The following HIPK1 variants were observed in gnomAD, a reference collection of about 807,000 sequenced individuals.
The protein encoded by HIPK1 is homeodomain-interacting protein kinase 1.
A neutral mutation model predicts 117.1 loss-of-function variants in HIPK1; 28 were observed. The ratio of observed to expected loss-of-function variants is 0.24; its 90% CI spans 0.18 to 0.33. HIPK1 has a LOEUF of 0.33. Among genes scored for constraint, HIPK1 ranks in the 10% least tolerant of loss-of-function variants. The pLI is 1.00. For missense variants in HIPK1, 1,122 were observed against 1,475.1 expected (o/e 0.76, Z 3.92); for synonymous variants, 605 against 562.5 (o/e 1.08, Z -1.07).
At chr1:113,963,091 A>G (rs762048928) in intron 9 of HIPK1, among the ~76,000 whole-genome samples, 16 of 152,172 alleles carry the variant, frequency 1.1e-4, no homozygotes, top group Non-Finnish European at 2.1e-4. Flanking sequence ...CAAAAACTCT[A>G]TTTTGTGAAC....
Position 113,952,896 on chromosome 1 carries a change from G to A in HIPK1, c.1200+7G>A. ...TGCTTCAGAATATGATCAGGTAAAA[G>A]TGTTTATTTGAATGGAAATAGAATG... On this transcript the variant is annotated splice_region_variant and intron_variant, in intron 3 of 15. Coordinates refer to ENST00000426820, the MANE Select transcript of HIPK1 (RefSeq NM_198268.3). The A allele has an allele frequency of 2.0e-6, 3 of 1,482,828 alleles. No homozygotes were observed. The highest frequency in any genetic ancestry group is 2.7e-6 in the Non-Finnish European group (3 of 1,116,640). 91.9% of individuals were successfully genotyped at this position (1,482,828 alleles called of 1,614,324 possible).
At chr1:113,966,833 A>C (rs1002249190) in intron 11 of HIPK1, among the ~76,000 whole-genome samples, 1 of 149,300 alleles carries the variant, frequency 6.7e-6, no homozygotes, top group African/African-American at 2.5e-5. Flanking sequence ...AGTAGTTCTT[A>C]TTCTTTTTTT....
At chr1:113,971,637 C>G (rs925953893) in intron 14 of HIPK1, among the ~76,000 whole-genome samples, 187 bp from the exon 15 acceptor site, 8 of 152,074 alleles carry the variant, frequency 5.3e-5, no homozygotes, top group Admixed American at 3.9e-4. Context: ...TTTTGAGGAT[C>G]CTATGTGGAG....
chr1:113,948,816 C>T (rs1671153794), intron 2 of HIPK1, among the ~76,000 whole-genome samples: 1 of 151,836 alleles, frequency 6.6e-6, no homozygotes, highest in African/African-American at 2.4e-5. Flanking sequence ...AAGCTCGAGA[C>T]AGTTATCATA....
At chr1:113,942,753 A>G (rs1670734871) in intron 2 of HIPK1, among the ~76,000 whole-genome samples, 1 of 152,192 alleles carries the variant, frequency 6.6e-6, no homozygotes, top group African/African-American at 2.4e-5. Context: ...TCTGTACCAT[A>G]ACCAAGGCTT....
intron 1 of HIPK1, chr1:113,930,593 A>AG: frequency 6.6e-6 from 1 of 152,572 alleles, no homozygotes; most frequent in Non-Finnish European, 1.5e-5. Context: ...AACAAAAGGG[A>AG]GGGGGAAGGT....
rs1396073774 is a variant in HIPK1 at position 113,974,963 on chromosome 1, A to T, written c.*1451A>T. 2.0e-5 allele frequency: 3 copies of T among 152,788 alleles called. No homozygotes were observed. Among genetic ancestry groups the T allele is most frequent in the Admixed American group, 2.0e-4 (3 of 15,284 alleles). 9.5% of individuals were successfully genotyped at this position (152,788 alleles called of 1,614,324 possible). The stretch of plus-strand genomic sequence containing the variant: ...CCAAAATGAACTGATACTTGTTGGA[A>T]TGTATGTGAACTAATTGCAATTATA... On this transcript the variant is annotated 3_prime_UTR_variant, in exon 16 of 16. Coordinates refer to ENST00000426820, the MANE Select transcript of HIPK1 (RefSeq NM_198268.3).
At chr1:113,931,538 T>C (rs1000175667) in intron 1 of HIPK1, among the ~76,000 whole-genome samples, 14 of 152,218 alleles carry the variant, frequency 9.2e-5, no homozygotes, top group Admixed American at 4.6e-4. Context: ...TGGTGATACC[T>C]TCATGAATAG....
At chr1:113,939,163 T>C (rs1374257453) in intron 1 of HIPK1, among the ~76,000 whole-genome samples, 1 of 152,022 alleles carries the variant, frequency 6.6e-6, no homozygotes. Flanking sequence ...TAATTTTTTT[T>C]CTTTTTTTTG....
At position 113,968,461 on chromosome 1, in the gene HIPK1, C is replaced by T; in HGVS notation, c.2584C>T (p.Pro862Ser). Residue 862 changes from proline to serine, a missense_variant, in exon 13 of 16, where the codon CCT becomes TCT. By Grantham distance (74) the Pro-to-Ser change is moderately conservative (BLOSUM62 -1). Around this residue, in one of 6 missense-constraint regions of HIPK1, gnomAD observed 731 missense variants for 860.4 expected, o/e 0.85. Transcript: ENST00000426820. ...VSSKSSLDVLPSQVYSLVGSS... is the reference protein window; with the variant it reads ...VSSKSSLDVLSSQVYSLVGSS... Reference sequence around the variant, plus strand: ...CTACAGGTCCTCTCTAGATGTTCTGCCTTCCCAAGTCTATTCTCTGGTTGG... The same window carrying T: ...CTACAGGTCCTCTCTAGATGTTCTGTCTTCCCAAGTCTATTCTCTGGTTGG... 1 of 1,613,598 alleles carries T rather than the reference C, an allele frequency of 6.2e-7. No individual in the cohort carries two copies. Among genetic ancestry groups the T allele is most frequent in the Non-Finnish European group, 8.5e-7 (1 of 1,179,484 alleles).
intron 1 of HIPK1, among the ~76,000 whole-genome samples, chr1:113,938,655 T>A (rs1258986661): frequency 4.0e-5 from 6 of 151,866 alleles, no homozygotes; most frequent in Non-Finnish European, 8.8e-5. Context: ...ACGCCTGTAA[T>A]CCCAGCACTT....
intron 1 of HIPK1, among the ~76,000 whole-genome samples, chr1:113,934,231 T>G (rs886318098): frequency 5.3e-5 from 8 of 152,198 alleles, no homozygotes; most frequent in African/African-American, 1.4e-4. Flanking sequence ...AATTTATTAC[T>G]GGTGTGTCAG....
rs1218174117 is a variant in HIPK1 at position 113,976,522 on chromosome 1, T to C, written c.*3010T>C. 1 of 152,764 alleles carries C rather than the reference T, an allele frequency of 6.5e-6. No individual in the cohort carries two copies. The highest frequency in any genetic ancestry group is 1.5e-5 in the Non-Finnish European group (1 of 68,030). The allele number at this position is 152,764 out of a possible 1,614,324, so 9.5% of individuals were successfully genotyped here. Reference sequence around the variant, plus strand: ...TACCACTTAAGATAGGAGTCTAAACTCCACAGAAAAGGATAATACCAAGAG... The same window carrying C: ...TACCACTTAAGATAGGAGTCTAAACCCCACAGAAAAGGATAATACCAAGAG... On this transcript the variant is annotated 3_prime_UTR_variant, in exon 16 of 16. Coordinates refer to ENST00000426820, the MANE Select transcript of HIPK1 (RefSeq NM_198268.3).
intron 9 of HIPK1, 90 bp from the exon 10 acceptor site, chr1:113,963,297 A>G (rs1672240995): frequency 1.4e-6 from 2 of 1,405,938 alleles, no homozygotes; most frequent in African/African-American, 2.9e-5. Flanking sequence ...GTTCATTGTC[A>G]GTAATAACTT....
intron 8 of HIPK1, among the ~76,000 whole-genome samples, chr1:113,958,741 TA>T (rs1391149089): frequency 6.6e-6 from 1 of 152,252 alleles, no homozygotes; most frequent in East Asian, 1.9e-4. Context: ...AAATCATGTT[TA>T]AGAATGTGGA....
intron 2 of HIPK1, among the ~76,000 whole-genome samples, chr1:113,944,772 C>G (rs1402558114): frequency 1.3e-5 from 2 of 151,640 alleles, no homozygotes; most frequent in Non-Finnish European, 2.9e-5. Context: ...AATAGCCATT[C>G]TTATGGGTGT....
In HIPK1 at chr1:113,958,300, G is replaced by A. The variant is rs766093864; in HGVS notation, c.1981+9G>A. On this transcript the variant is annotated intron_variant, in intron 8 of 15. Coordinates refer to ENST00000426820, the MANE Select transcript of HIPK1 (RefSeq NM_198268.3). ...TCCACCTGCGTTTCAAAGTAAGTGG[G>A]GAAACTCCTGTATCATATGGTATTG... The A allele has an allele frequency of 1.9e-6, 3 of 1,579,626 alleles. No homozygotes were observed. The highest frequency in any genetic ancestry group is 2.6e-6 in the Non-Finnish European group (3 of 1,150,710).
intron 7 of HIPK1, among the ~76,000 whole-genome samples, chr1:113,957,745 C>T (rs1671818772): frequency 6.6e-6 from 1 of 151,992 alleles, no homozygotes; most frequent in African/African-American, 2.4e-5. Context: ...TTGGCTGGGT[C>T]TACTTTTTTA....
rs1670639417 is a variant in HIPK1, at chr1:113,941,568, A to G, written c.1076+109A>G. ...AATGAATTTGTTTATAGATTCTGAG[A>G]TAGAAATAGGATATGTTTTAGCTCA... On this transcript the variant is annotated intron_variant, in intron 2 of 15. Transcript: ENST00000426820. This position sits in a 1 kb window ranked among gnomAD's most constrained non-coding sequence, Gnocchi z 4.9. 1.2e-6 allele frequency: 1 copy of G among 835,516 alleles called. No homozygotes were observed. The highest frequency in any genetic ancestry group is 1.9e-6 in the Non-Finnish European group (1 of 529,636). 51.8% of individuals were successfully genotyped at this position (835,516 alleles called of 1,614,324 possible). A position where few individuals can be genotyped will look rare whatever the true frequency, so the allele number is the denominator to read the frequency against.
Sources: gnomAD v4.1 joint callset for allele counts (sites outside exome capture counted in the v4.1 genomes callset) on GRCh38, gnomAD v4.1.1 for gene constraint, gnomAD v4.1.1 regional missense constraint, Gnocchi (gnomAD v3.1) non-coding constraint, MANE v1.5 for transcripts, NCBI Gene and HGNC (gene_info 2026-07-23, HGNC 2026-07-21) for gene names.